Variants in ERG observed in about 807,000 individuals in gnomAD.
The protein encoded by ERG is ETS transcription factor ERG.
Under a neutral mutation model 55.3 loss-of-function variants are expected in ERG, and 9 were observed. That is an observed-to-expected ratio of 0.16 (90% CI 0.10 to 0.28). The LOEUF is 0.28. Among genes scored for constraint, ERG ranks in the 10% least tolerant of loss-of-function variants. ERG has a pLI of 1.00. For synonymous variants in ERG, 223 were observed against 237.3 expected (o/e 0.94, Z 0.55); for missense variants, 434 against 631.6 (o/e 0.69, Z 3.35).
At chr21:38,411,034 C>T (rs896883308) in intron 3 of ERG, among the ~76,000 whole-genome samples, 2 of 152,162 alleles carry the variant, frequency 1.3e-5, no homozygotes, top group African/African-American at 4.8e-5. Context: ...CTGTCCAAGA[C>T]ACTCATAAGC....
intron 2 of ERG, among the ~76,000 whole-genome samples, chr21:38,517,291 G>A (rs1360132809): frequency 6.6e-6 from 1 of 151,802 alleles, no homozygotes; most frequent in Non-Finnish European, 1.5e-5. Context: ...TACAAAGTGG[G>A]CAAAGAACGT....
intron 1 of ERG, among the ~76,000 whole-genome samples, chr21:38,582,143 CTTAA>C (rs2060033605): frequency 1.3e-5 from 2 of 151,420 alleles, no homozygotes; most frequent in East Asian, 3.9e-4. Flanking sequence ...CATTCATATG[CTTAA>C]TAATAAACTG....
chr21:38,549,469 G>C (rs1214334453), intron 2 of ERG, among the ~76,000 whole-genome samples: 1 of 152,162 alleles, frequency 6.6e-6, no homozygotes, highest in African/African-American at 2.4e-5. Flanking sequence ...CCCTAATCTA[G>C]ATGTTCAATC....
Position 38,423,435 on chromosome 21 carries a change from G to A in ERG, c.363C>T (p.Asn121=), listed in dbSNP as rs774580195. 6.8e-6 allele frequency: 11 copies of A among 1,613,796 alleles called. No homozygotes were observed. The highest frequency in any genetic ancestry group is 4.4e-5 in the South Asian group (4 of 91,070). ...KHMPPPNMTT[N]ERRVIVPADP... ...CTGCTGGCACGATAACTCTGCGCTC[G>A]TTCGTGGTCATGTTTGGGGGTGGCA... is the stretch of plus-strand genomic sequence containing the variant. The change falls in exon 3 of 10, where the codon AAC becomes AAT. Residue 121 remains asparagine, a synonymous_variant. Coordinates refer to ENST00000288319, the MANE Select transcript of ERG (RefSeq NM_182918.4).
At chr21:38,526,266 G>A (rs933676958) in intron 2 of ERG, among the ~76,000 whole-genome samples, 1 of 152,166 alleles carries the variant, frequency 6.6e-6, no homozygotes, top group African/African-American at 2.4e-5. Flanking sequence ...GTAGGGATTA[G>A]GATAAAAATG....
At chr21:38,415,777 C>T (rs760039003) in intron 3 of ERG, among the ~76,000 whole-genome samples, 1 of 152,128 alleles carries the variant, frequency 6.6e-6, no homozygotes, top group Admixed American at 6.5e-5. Context: ...CACCAAGAAT[C>T]CTGCAACCCC....
intron 1 of ERG, among the ~76,000 whole-genome samples, chr21:38,622,216 C>T (rs1362322579): frequency 6.6e-6 from 1 of 152,198 alleles, no homozygotes; most frequent in Non-Finnish European, 1.5e-5. Context: ...TCATGCTCCA[C>T]GTGTAAACGT....
At chr21:38,481,198 T>C (rs2059235257) in intron 1 of ERG, among the ~76,000 whole-genome samples, 1 of 152,238 alleles carries the variant, frequency 6.6e-6, no homozygotes, top group African/African-American at 2.4e-5. Flanking sequence ...AAAAACTAGA[T>C]TATAGTTCTT....
At chr21:38,655,260 T>C in intron 1 of ERG, among the ~76,000 whole-genome samples, 1 of 152,068 alleles carries the variant, frequency 6.6e-6, no homozygotes, top group Non-Finnish European at 1.5e-5. Flanking sequence ...TAATAGCTTC[T>C]TTCAGTCCTT....
At chr21:38,650,378 G>A (rs1215178061) in intron 1 of ERG, among the ~76,000 whole-genome samples, 5 of 152,130 alleles carry the variant, frequency 3.3e-5, no homozygotes, top group Admixed American at 1.3e-4. Context: ...GGCTCAGCCT[G>A]TAATCCCAAC....
chr21:38,582,241 G>A (rs963864100), intron 1 of ERG, among the ~76,000 whole-genome samples: 2 of 152,158 alleles, frequency 1.3e-5, no homozygotes, highest in Non-Finnish European at 2.9e-5. Flanking sequence ...CAATGTTGTA[G>A]CCATGTCAGA....
intron 1 of ERG, among the ~76,000 whole-genome samples, chr21:38,631,040 A>C (rs944671726): frequency 3.9e-5 from 6 of 152,232 alleles, no homozygotes; most frequent in Non-Finnish European, 7.3e-5. Flanking sequence ...GAAAGCATAA[A>C]GCTCTGACAA....
chr21:38,653,633 A>C (rs1000662469), intron 1 of ERG, among the ~76,000 whole-genome samples: 2 of 152,186 alleles, frequency 1.3e-5, no homozygotes, highest in Non-Finnish European at 2.9e-5. Context: ...AGAAAAATTC[A>C]AGCATGCCAC....
intron 2 of ERG, among the ~76,000 whole-genome samples, chr21:38,511,122 A>G (rs1177427624): frequency 6.6e-6 from 1 of 152,252 alleles, no homozygotes; most frequent in Non-Finnish European, 1.5e-5. Flanking sequence ...TGAATTTTCA[A>G]TAACCTTCCT....
chr21:38,446,044 T>G (rs2058888711), intron 1 of ERG, among the ~76,000 whole-genome samples: 1 of 151,958 alleles, frequency 6.6e-6, no homozygotes, highest in Admixed American at 6.6e-5. Flanking sequence ...CCTAAGCATC[T>G]GGCAAAATTG....
upstream of ERG, among the ~76,000 whole-genome samples, chr21:38,586,866 A>G (rs1028818693): frequency 4.6e-5 from 7 of 152,236 alleles, no homozygotes; most frequent in Non-Finnish European, 8.8e-5. Context: ...ATTATTCACA[A>G]CAGACAAGGT....
chr21:38,634,016 T>C (rs2060373112), intron 1 of ERG, among the ~76,000 whole-genome samples: 3 of 152,162 alleles, frequency 2.0e-5, no homozygotes, highest in South Asian at 4.1e-4. Context: ...TATATAATTC[T>C]CTAAGAAGAA....
Position 38,381,050 on chromosome 21 carries a change from G to A in ERG, c.*2353C>T. The A allele has an allele frequency of 1.9e-6, 2 of 1,064,526 alleles. No homozygotes were observed. Among genetic ancestry groups the A allele is most frequent in the Non-Finnish European group, 2.3e-6 (2 of 878,766 alleles). 65.9% of individuals were successfully genotyped at this position (1,064,526 alleles called of 1,614,324 possible). On this transcript the variant is annotated 3_prime_UTR_variant, in exon 10 of 10. Transcript: ENST00000288319. Reference sequence around the variant, plus strand: ...GGCACTTTGTGGGCCTTCCCAGGCTGCTGCAAAATGATGGATGGTTGGGCT... The same window carrying A: ...GGCACTTTGTGGGCCTTCCCAGGCTACTGCAAAATGATGGATGGTTGGGCT...
At chr21:38,454,419 G>C (rs1313304383) in intron 1 of ERG, among the ~76,000 whole-genome samples, 1 of 152,172 alleles carries the variant, frequency 6.6e-6, no homozygotes. Context: ...TGCAGATTCC[G>C]AGTCTCCAGC....
Sources: gnomAD v4.1 joint callset for allele counts (sites outside exome capture counted in the v4.1 genomes callset) on GRCh38, gnomAD v4.1.1 for gene constraint, MANE v1.5 for transcripts, NCBI Gene and HGNC (gene_info 2026-07-23, HGNC 2026-07-21) for gene names.